The following NAPG variants were observed in gnomAD, a reference collection of about 807,000 sequenced individuals.
The protein encoded by NAPG is NSF attachment protein gamma.
Under a neutral mutation model 48.4 loss-of-function variants are expected in NAPG, and 25 were observed. The ratio of observed to expected loss-of-function variants is 0.52; its 90% CI spans 0.38 to 0.72. The LOEUF (loss-of-function observed/expected upper bound fraction) is 0.72. Ranked by LOEUF, NAPG falls within the 30% of genes least tolerant of loss-of-function variation. The pLI is 0.00. For synonymous variants in NAPG, 139 were observed against 127.2 expected, an observed-to-expected ratio of 1.09 and a Z score of -0.62; for missense variants, 359 against 372.5, an observed-to-expected ratio of 0.96 and a Z score of 0.30.
Position 10,534,480 on chromosome 18 carries a change from C to T in NAPG, c.242C>T (p.Ala81Val), listed in dbSNP as rs755620120. The T allele has an allele frequency of 6.2e-7, 1 of 1,613,152 alleles. No individual in the cohort carries two copies. The change falls in exon 5 of 12, where the codon GCT becomes GTT. Residue 81 changes from alanine to valine, a missense_variant. By Grantham distance (64) the Ala-to-Val change is moderately conservative. Coordinates refer to ENST00000322897, the MANE Select transcript of NAPG (RefSeq NM_003826.3). This position sits in a 1 kb window ranked among gnomAD's most constrained non-coding sequence, Gnocchi z 5.0. Reference protein sequence around the residue: ...LFHAAKAYEQAGMMLKEMQKL... With the variant: ...LFHAAKAYEQVGMMLKEMQKL... ...TCTCTTTGCAGAGCTTATGAGCAAG[C>T]TGGAATGATGTTGAAGGTCAGTAAT...
At position 10,548,792 on chromosome 18, in the gene NAPG, G is replaced by A. The variant is rs994541625; in HGVS notation, c.666-175G>A. ...TGTGGTCGGGCCTGTCCTGTGCACTGTAGGCTGGTTAGCGGGATCCCCGGT... is the reference window on the plus strand; with the variant it reads ...TGTGGTCGGGCCTGTCCTGTGCACTATAGGCTGGTTAGCGGGATCCCCGGT... On this transcript the variant is annotated intron_variant, in intron 10 of 11. Coordinates refer to ENST00000322897, the MANE Select transcript of NAPG (RefSeq NM_003826.3). This position sits in a 1 kb window ranked among gnomAD's most constrained non-coding sequence, Gnocchi z 4.4. 6.6e-6 allele frequency among the ~76,000 whole-genome samples: 1 copy of A among 152,152 alleles called. No individual in the cohort carries two copies. The highest frequency in any genetic ancestry group is 1.5e-5 in the Non-Finnish European group (1 of 68,020).
At chr18:10,537,344 A>G (rs2032056277) in intron 5 of NAPG, among the ~76,000 whole-genome samples, 1 of 152,220 alleles carries the variant, frequency 6.6e-6, no homozygotes, top group African/African-American at 2.4e-5. Flanking sequence ...CTGTATTCTT[A>G]GAATAAAGCT....
chr18:10,531,636 A>G (rs1432013991), intron 2 of NAPG, among the ~76,000 whole-genome samples: 2 of 152,208 alleles, frequency 1.3e-5, no homozygotes, highest in South Asian at 2.1e-4. Context: ...GTTTTTTTGC[A>G]TCATGCAAAT....
intron 1 of NAPG, among the ~76,000 whole-genome samples, chr18:10,528,688 T>A (rs1481085110): frequency 2.0e-5 from 3 of 151,972 alleles, no homozygotes; most frequent in Non-Finnish European, 4.4e-5. Flanking sequence ...GTTTCTAACT[T>A]GGGAGACGAG....
At chr18:10,530,914 TACTC>T in intron 2 of NAPG, 77 bp downstream of exon 2, 1 of 1,135,830 alleles carries the variant, frequency 8.8e-7, no homozygotes, top group Non-Finnish European at 1.2e-6. Context: ...CCATAATACT[TACTC>T]ATATGCTTTC....
At chr18:10,541,194 A>C (rs1278934284) in intron 8 of NAPG, among the ~76,000 whole-genome samples, 1 of 152,248 alleles carries the variant, frequency 6.6e-6, no homozygotes, top group African/African-American at 2.4e-5. Flanking sequence ...ATATGAGAAT[A>C]AATTAATCTA....
chr18:10,540,238 G>T, intron 7 of NAPG, 91 bp from the exon 8 acceptor site: 2 of 1,194,806 alleles, frequency 1.7e-6, no homozygotes, highest in Non-Finnish European at 2.4e-6. Context: ...CCTTGATCCA[G>T]TGCCATTACT....
Position 10,549,135 on chromosome 18 carries a change from TGAAAG to T in NAPG, c.795+40_795+44del, listed in dbSNP as rs775153324. The T allele has an allele frequency of 1.9e-6, 3 of 1,575,818 alleles. No individual in the cohort carries two copies. The African/African-American group carries it at 4.1e-5, about 21-fold the overall frequency. On this transcript the variant is annotated intron_variant, in intron 11 of 11. Transcript: ENST00000322897. ...TTTGCATAGCTTTCATCTTTTCTCT[TGAAAG>T]AAAGAGGTTTCTAGTGAGATTATTT... is the stretch of plus-strand genomic sequence containing the variant.
Position 10,542,234 on chromosome 18 carries a change from T to G in NAPG, c.506+1835T>G, listed in dbSNP as rs1393276696. ...CGTGACTTTGTTTTATTGGTTTTTT[T>G]TTTTTCTTTTTAGGAAAAATGTATT... On this transcript the variant is annotated intron_variant, in intron 8 of 11. Transcript: ENST00000322897. This position sits in a 1 kb window ranked among gnomAD's most constrained non-coding sequence, Gnocchi z 4.5. Among the ~76,000 whole-genome samples, 1 of 151,956 alleles carries G rather than the reference T, an allele frequency of 6.6e-6. No individual in the cohort carries two copies. The highest frequency in any genetic ancestry group is 6.6e-5 in the Admixed American group (1 of 15,262).
rs761389711 is a variant in NAPG at position 10,540,399 on chromosome 18, G to A, written c.506G>A (p.Arg169Lys). ...TCCAGACTACTAGTACGAGGACGTA[G>A]GTATGTCTTTAAAAACTATTGCTGT... ...KASRLLVRGR[R>K]FDEAALSIQK... Residue 169 changes from arginine (R) to lysine (K), a missense_variant and splice_region_variant, in exon 8 of 12, where the codon AGG becomes AAG. By Grantham distance (26) the Arg-to-Lys change is conservative. Transcript: ENST00000322897. 1.2e-6 allele frequency: 2 copies of A among 1,611,596 alleles called. No homozygotes were observed. Among genetic ancestry groups the A allele is most frequent in the Non-Finnish European group, 1.7e-6 (2 of 1,178,354 alleles).
Position 10,550,233 on chromosome 18 carries a change from T to C in NAPG, c.*13T>C. On this transcript the variant is annotated 3_prime_UTR_variant, in exon 12 of 12. Coordinates refer to ENST00000322897, the MANE Select transcript of NAPG (RefSeq NM_003826.3). ...AGGACTATGCTAGTATTTTGCTTGC[T>C]GAAAAGAAAAGGGAAACAAAGGTAA... 2 of 1,564,078 alleles carry C rather than the reference T, an allele frequency of 1.3e-6. No homozygotes were observed. The highest frequency in any genetic ancestry group is 2.5e-5 in the East Asian group (1 of 39,982).
chr18:10,539,749 C>A lies in NAPG; in HGVS notation c.259-13C>A, dbSNP rs373472883. On this transcript the variant is annotated splice_polypyrimidine_tract_variant and intron_variant, in intron 5 of 11. Coordinates refer to ENST00000322897, the MANE Select transcript of NAPG (RefSeq NM_003826.3). The surrounding 1 kb of genome is among the most constrained non-coding windows in gnomAD (Gnocchi z 4.7). ...GCATTTGCTGACCTGTCTACTGTAT[C>A]CTTTGCCCAAAGGAGATGCAGAAAC... is the stretch of plus-strand genomic sequence containing the variant. 2 of 1,606,990 alleles carry A rather than the reference C, an allele frequency of 1.2e-6. No homozygotes were observed. The highest frequency in any genetic ancestry group is 2.7e-5 in the African/African-American group (2 of 74,688).
intron 9 of NAPG, among the ~76,000 whole-genome samples, chr18:10,547,146 C>G (rs1038795543): frequency 2.0e-5 from 3 of 152,180 alleles, no homozygotes; most frequent in African/African-American, 7.2e-5. Flanking sequence ...TCATCACTGT[C>G]GAAGTGTTGC....
intron 1 of NAPG, among the ~76,000 whole-genome samples, chr18:10,530,073 C>G (rs759913497): frequency 6.6e-6 from 1 of 151,966 alleles, no homozygotes; most frequent in East Asian, 1.9e-4. Flanking sequence ...AATTGATTGT[C>G]CTTTGGTTTG....
At position 10,526,387 on chromosome 18, in the gene NAPG, C is replaced by G. The variant is rs551487116; in HGVS notation, c.56+229C>G. The G allele has an allele frequency of 7.3e-6, 4 of 547,872 alleles. No homozygotes were observed. In the Admixed American group the frequency reaches 1.3e-4, roughly 18 times the overall value. 33.9% of individuals were successfully genotyped at this position (547,872 alleles called of 1,614,324 possible). ...CCGTGGGTCCACCCCGCCGGAAGTCCGCTCCCCAGAGCCGGTGTGGGCGGG... is the reference window on the plus strand; with the variant it reads ...CCGTGGGTCCACCCCGCCGGAAGTCGGCTCCCCAGAGCCGGTGTGGGCGGG... On this transcript the variant is annotated intron_variant, in intron 1 of 11. Transcript: ENST00000322897.
At chr18:10,526,196 C>T (rs373402728) in intron 1 of NAPG, 38 bp downstream of exon 1, 16 of 1,331,808 alleles carry the variant, frequency 1.2e-5, no homozygotes, top group Admixed American at 3.8e-5. Context: ...GTGTAGACGC[C>T]GGGTCCGTCT....
intron 5 of NAPG, among the ~76,000 whole-genome samples, chr18:10,538,210 G>T (rs2032074666): frequency 6.6e-6 from 1 of 152,142 alleles, no homozygotes; most frequent in Admixed American, 6.5e-5. Flanking sequence ...TGCAAACTCA[G>T]ATGAACTCAG....
At chr18:10,535,694 G>A (rs2032017386) in intron 5 of NAPG, among the ~76,000 whole-genome samples, 1 of 152,248 alleles carries the variant, frequency 6.6e-6, no homozygotes, top group Admixed American at 6.5e-5. Flanking sequence ...CCAGGAGGCA[G>A]AGTTTGCAGT....
At chr18:10,530,037 A>T (rs1364133675) in intron 1 of NAPG, among the ~76,000 whole-genome samples, 1 of 152,148 alleles carries the variant, frequency 6.6e-6, no homozygotes, top group East Asian at 1.9e-4. Context: ...AATATTGAGG[A>T]AAAGGCAAGT....
Sources: allele counts gnomAD v4.1 joint callset (sites outside exome capture counted in the v4.1 genomes callset), GRCh38; gene constraint gnomAD v4.1.1; non-coding constraint Gnocchi (gnomAD v3.1); transcripts MANE v1.5; gene names NCBI Gene and HGNC (gene_info 2026-07-23, HGNC 2026-07-21).